Variants in AUTS2 observed in about 807,000 individuals in gnomAD.
The protein encoded by AUTS2 is activator of transcription and developmental regulator AUTS2, also known as autism susceptibility gene 2 protein.
AUTS2 carries 17 observed loss-of-function variants against 112.4 expected under a neutral mutation model. The ratio of observed to expected loss-of-function variants is 0.15; its 90% CI spans 0.10 to 0.23. The LOEUF (loss-of-function observed/expected upper bound fraction) is 0.23, where lower values mean the gene tolerates loss of function less well. AUTS2 is among the 10% of genes least tolerant of loss of function. AUTS2 has a pLI of 1.00. For synonymous variants in AUTS2, 751 were observed against 702.7 expected, an observed-to-expected ratio of 1.07 and a Z score of -1.09; for missense variants, 1,510 against 1,701.6, an observed-to-expected ratio of 0.89 and a Z score of 1.98.
intron 8 of AUTS2, 122 bp downstream of exon 8, chr7:70,765,127 G>A: frequency 7.5e-7 from 1 of 1,331,014 alleles, no homozygotes. Flanking sequence ...CTTCCTTACT[G>A]TGATCTTCCT....
At chr7:69,830,831 G>C (rs757290490) in intron 1 of AUTS2, among the ~76,000 whole-genome samples, 1 of 152,192 alleles carries the variant, frequency 6.6e-6, no homozygotes, top group Non-Finnish European at 1.5e-5. Flanking sequence ...AGATCACAGA[G>C]CATTAGAATA....
At chr7:69,867,213 A>G (rs770592131) in intron 1 of AUTS2, among the ~76,000 whole-genome samples, 3 of 152,138 alleles carry the variant, frequency 2.0e-5, no homozygotes, top group Non-Finnish European at 4.4e-5. Context: ...TGACTCCTTG[A>G]GTTGATGAGA....
intron 5 of AUTS2, among the ~76,000 whole-genome samples, chr7:70,450,780 C>T (rs1001768357): frequency 2.6e-5 from 4 of 152,040 alleles, no homozygotes; most frequent in Admixed American, 6.6e-5. Flanking sequence ...ATAGAGATCT[C>T]AACCAAACTA....
At chr7:70,428,063 C>G (rs1040897148) in intron 4 of AUTS2, among the ~76,000 whole-genome samples, 1 of 152,090 alleles carries the variant, frequency 6.6e-6, no homozygotes, top group South Asian at 2.1e-4. Context: ...TTTATCTGAG[C>G]TATTTTATTT....
intron 1 of AUTS2, among the ~76,000 whole-genome samples, chr7:69,667,795 A>G (rs1249257503): frequency 2.6e-5 from 4 of 152,084 alleles, no homozygotes; most frequent in African/African-American, 4.8e-5. Context: ...AGTAGCGGCA[A>G]TTACCATTGG....
Position 70,790,383 on chromosome 7 carries a change from C to T in AUTS2, c.3167C>T (p.Pro1056Leu), listed in dbSNP as rs766592601. The T allele has an allele frequency of 1.2e-6, 2 of 1,613,866 alleles. No individual in the cohort carries two copies. Among genetic ancestry groups the T allele is most frequent in the Non-Finnish European group, 8.5e-7 (1 of 1,179,986 alleles). Residue 1056 changes from proline (P) to leucine (L), a missense_variant, in exon 19 of 19, where the codon CCG (proline) becomes CTG (leucine). By Grantham distance (98) the Pro-to-Leu change is moderately conservative. Coordinates refer to ENST00000342771, the MANE Select transcript of AUTS2 (RefSeq NM_015570.4). The surrounding 1 kb of genome is among the most constrained non-coding windows in gnomAD (Gnocchi z 7.6). The stretch of plus-strand genomic sequence containing the variant: ...CCCTTCATGGGCATCAGCCCCCTCC[C>T]GGGCGGAGAGCGCTTCCCGTACCCT... Reference protein sequence around the residue: ...MTPFMGISPLPGGERFPYPSF... With the variant: ...MTPFMGISPLLGGERFPYPSF...
intron 1 of AUTS2, among the ~76,000 whole-genome samples, chr7:69,753,559 C>T (rs1787828723): frequency 6.6e-6 from 1 of 152,124 alleles, no homozygotes; most frequent in Non-Finnish European, 1.5e-5. Context: ...CCTGAAGTTT[C>T]CTGTCCATGA....
chr7:69,684,320 T>C (rs1237706795), intron 1 of AUTS2, among the ~76,000 whole-genome samples: 1 of 152,208 alleles, frequency 6.6e-6, no homozygotes, highest in Non-Finnish European at 1.5e-5. Context: ...TTCTCTGAGA[T>C]AGCAGCTCCC....
intron 1 of AUTS2, among the ~76,000 whole-genome samples, chr7:69,726,975 G>A (rs1377512690): frequency 6.6e-6 from 1 of 152,018 alleles, no homozygotes; most frequent in Non-Finnish European, 1.5e-5. Flanking sequence ...TGCCTTTTTA[G>A]TTCCTAATGA....
intron 1 of AUTS2, among the ~76,000 whole-genome samples, chr7:69,806,120 G>A (rs1314980854): frequency 1.3e-5 from 2 of 150,612 alleles, no homozygotes; most frequent in African/African-American, 4.9e-5. Flanking sequence ...ATGTTGCCCA[G>A]GCTGGTCTCA....
At chr7:70,289,446 A>C (rs1246893767) in intron 4 of AUTS2, among the ~76,000 whole-genome samples, 1 of 152,202 alleles carries the variant, frequency 6.6e-6, no homozygotes, top group African/African-American at 2.4e-5. Context: ...TGTGGAAGGT[A>C]CTGAGGAATG....
intron 1 of AUTS2, among the ~76,000 whole-genome samples, chr7:69,740,120 C>T (rs571878633): frequency 1.9e-4 from 29 of 152,212 alleles, no homozygotes; most frequent in African/African-American, 7.0e-4. Flanking sequence ...CCTCTTTGGC[C>T]CTGGGGAAGT....
intron 1 of AUTS2, among the ~76,000 whole-genome samples, chr7:69,732,854 A>T (rs949019504): frequency 6.6e-6 from 1 of 152,238 alleles, no homozygotes; most frequent in Non-Finnish European, 1.5e-5. Flanking sequence ...TTCCTGGCAC[A>T]GCTTTTATTC....
At chr7:70,450,081 T>G (rs1361636497) in intron 5 of AUTS2, among the ~76,000 whole-genome samples, 1 of 152,248 alleles carries the variant, frequency 6.6e-6, no homozygotes, top group East Asian at 1.9e-4. Context: ...GCAGCCTTCC[T>G]GAAGTGATGT....
intron 5 of AUTS2, among the ~76,000 whole-genome samples, chr7:70,560,872 A>C (rs565116998): frequency 6.6e-6 from 1 of 152,368 alleles, no homozygotes; most frequent in Admixed American, 6.5e-5. Context: ...ATTTGATTAC[A>C]TTCTTGAAAG....
chr7:70,705,325 T>C (rs540430450), intron 6 of AUTS2, among the ~76,000 whole-genome samples: 90 of 152,286 alleles, frequency 5.9e-4, no homozygotes, highest in South Asian at 3.5e-3. Context: ...AAAACTTCAG[T>C]GGAGAAAATG....
At chr7:70,597,754 T>C (rs1005821586) in intron 5 of AUTS2, among the ~76,000 whole-genome samples, 2 of 152,226 alleles carry the variant, frequency 1.3e-5, no homozygotes, top group African/African-American at 2.4e-5. Flanking sequence ...CACATATTTA[T>C]TTCCATAAGA....
rs138621247 is a variant in AUTS2 at position 70,428,113 on chromosome 7, G to A, written c.661-7639G>A. Among the ~76,000 whole-genome samples, 6 of 152,242 alleles carry A rather than the reference G, an allele frequency of 3.9e-5. No individual in the cohort carries two copies. The East Asian group carries it at 7.7e-4, about 20-fold the overall frequency. Reference sequence around the variant, plus strand: ...ACTGTTAAGATAGAGGGGAAGAGTCGACGACATTATTTCACAGTCAGTAAG... The same window carrying A: ...ACTGTTAAGATAGAGGGGAAGAGTCAACGACATTATTTCACAGTCAGTAAG... On this transcript the variant is annotated intron_variant, in intron 4 of 18. Transcript: ENST00000342771.
At chr7:70,257,295 C>T (rs914511142) in intron 4 of AUTS2, among the ~76,000 whole-genome samples, 2 of 152,150 alleles carry the variant, frequency 1.3e-5, no homozygotes, top group African/African-American at 4.8e-5. Flanking sequence ...CACACGCCAC[C>T]ACACCCAGTT....
Sources: allele counts gnomAD v4.1 joint callset (sites outside exome capture counted in the v4.1 genomes callset), GRCh38; gene constraint gnomAD v4.1.1; non-coding constraint Gnocchi (gnomAD v3.1); transcripts MANE v1.5; gene names NCBI Gene and HGNC (gene_info 2026-07-23, HGNC 2026-07-21).